The following NETO1 variants were observed in gnomAD, a reference collection of about 807,000 sequenced individuals.
NETO1 encodes neuropilin and tolloid-like protein 1.
In NETO1, 26 loss-of-function variants were observed where a neutral mutation model predicts 61.3. The ratio of observed to expected loss-of-function variants is 0.42; its 90% CI spans 0.31 to 0.59. The LOEUF (loss-of-function observed/expected upper bound fraction) is 0.59, where lower values mean the gene tolerates loss of function less well. NETO1 is among the 20% of genes least tolerant of loss of function. The pLI, the probability that NETO1 is intolerant of heterozygous loss-of-function variation, is 0.12. For synonymous variants in NETO1, 225 were observed against 225.8 expected (o/e 1.00, Z 0.03); for missense variants, 531 against 662.8 (o/e 0.80, Z 2.18).
chr18:72,858,573 A>G (rs1341175068), intron 4 of NETO1, among the ~76,000 whole-genome samples: 4 of 152,162 alleles, frequency 2.6e-5, no homozygotes, highest in African/African-American at 9.7e-5. Context: ...ACAAAAGTCC[A>G]CTTGATGATG....
At chr18:72,795,328 G>A (rs549096318) in intron 4 of NETO1, among the ~76,000 whole-genome samples, 86 of 152,202 alleles carry the variant, frequency 5.7e-4, no homozygotes, top group African/African-American at 2.0e-3. Context: ...TGCTTGTATC[G>A]GACGTCGTGG....
intron 3 of NETO1, among the ~76,000 whole-genome samples, chr18:72,861,946 G>T (rs532258378): frequency 6.6e-6 from 1 of 152,136 alleles, no homozygotes; most frequent in African/African-American, 2.4e-5. Flanking sequence ...TTTCTTTGCT[G>T]TAACAACTGG....
intron 4 of NETO1, among the ~76,000 whole-genome samples, chr18:72,840,389 T>G (rs2073892243): frequency 6.6e-6 from 1 of 152,196 alleles, no homozygotes; most frequent in African/African-American, 2.4e-5. Context: ...GCCCAGAAGC[T>G]ATCATCCACA....
intron 7 of NETO1, among the ~76,000 whole-genome samples, chr18:72,756,680 TA>T (rs1367968950): frequency 6.6e-6 from 1 of 152,062 alleles, no homozygotes; most frequent in Admixed American, 6.5e-5. Context: ...CTGAACAACA[TA>T]AAAAATATAT....
chr18:72,787,822 C>T (rs1242032564), intron 6 of NETO1, among the ~76,000 whole-genome samples: 10 of 152,204 alleles, frequency 6.6e-5, no homozygotes, highest in South Asian at 6.2e-4. Flanking sequence ...CTTTTAAATG[C>T]TCACAGAGTT....
chr18:72,752,474 C>T (rs570520918), intron 8 of NETO1, among the ~76,000 whole-genome samples: 53 of 152,268 alleles, frequency 3.5e-4, no homozygotes, highest in African/African-American at 1.3e-3. Context: ...GCATCAGAGG[C>T]TTCACTAAAA....
At chr18:72,749,579 T>A (rs1211045889) in intron 9 of NETO1, among the ~76,000 whole-genome samples, 1 of 152,236 alleles carries the variant, frequency 6.6e-6, no homozygotes, top group South Asian at 2.1e-4. Context: ...TTTGTGTTCC[T>A]ACCAAAAATA....
Position 72,746,763 on chromosome 18 carries a change from A to G in NETO1, c.*1416T>C, listed in dbSNP as rs1407653903. ...TTCAGTAGTTTTGAAAATGTTGGGA[A>G]GCATATATACTGATAGTAATTCTTA... On this transcript the variant is annotated 3_prime_UTR_variant, in exon 11 of 11. Coordinates refer to ENST00000327305, the MANE Select transcript of NETO1 (RefSeq NM_138966.5). Among the ~76,000 whole-genome samples the G allele has an allele frequency of 1.3e-5, 2 of 152,136 alleles. No individual in the cohort carries two copies. Among genetic ancestry groups the G allele is most frequent in the Non-Finnish European group, 1.5e-5 (1 of 67,940 alleles).
At chr18:72,793,986 AAAATG>A (rs2072226903) in intron 6 of NETO1, 126 bp downstream of exon 6, 3 of 1,235,598 alleles carry the variant, frequency 2.4e-6, no homozygotes, top group Middle Eastern at 4.6e-4. Flanking sequence ...CTCAAAAACC[AAAATG>A]AAATCATAGC....
rs953346765 is a variant in NETO1, at chr18:72,830,541, T to C, written c.469+28285A>G. ...GGTCTGAGGGTTGGCTTACAATTCCTCAATGAACAGATGTATTACAGAAGA... is the reference window on the plus strand; with the variant it reads ...GGTCTGAGGGTTGGCTTACAATTCCCCAATGAACAGATGTATTACAGAAGA... On this transcript the variant is annotated intron_variant, in intron 4 of 10. Coordinates refer to ENST00000327305, the MANE Select transcript of NETO1 (RefSeq NM_138966.5). This position sits in a 1 kb window ranked among gnomAD's most constrained non-coding sequence, Gnocchi z 4.9. Among the ~76,000 whole-genome samples, 2 of 152,112 alleles carry C rather than the reference T, an allele frequency of 1.3e-5. No individual in the cohort carries two copies. The highest frequency in any genetic ancestry group is 6.5e-5 in the Admixed American group (1 of 15,282).
chr18:72,798,285 G>A (rs892200499), intron 4 of NETO1, among the ~76,000 whole-genome samples: 4 of 152,186 alleles, frequency 2.6e-5, no homozygotes, highest in Non-Finnish European at 5.9e-5. Flanking sequence ...AACTGTGCAT[G>A]CGAGGGATCT....
intron 4 of NETO1, among the ~76,000 whole-genome samples, chr18:72,822,345 G>T (rs140781117): frequency 0.023 from 3,485 of 152,290 alleles, 105 homozygotes; most frequent in African/African-American, 0.065. Flanking sequence ...CCAAAGCCAG[G>T]AAGCTGCCTG....
chr18:72,786,201 T>G (rs1291270978), intron 6 of NETO1, among the ~76,000 whole-genome samples: 1 of 152,198 alleles, frequency 6.6e-6, no homozygotes, highest in Non-Finnish European at 1.5e-5. Context: ...CATAGAATAG[T>G]CTTATTTTAT....
intron 4 of NETO1, among the ~76,000 whole-genome samples, chr18:72,817,498 T>C (rs2073063938): frequency 6.6e-6 from 1 of 152,218 alleles, no homozygotes; most frequent in Admixed American, 6.5e-5. Flanking sequence ...CCACTAAATG[T>C]TAGAGATTTT....
chr18:72,812,218 G>T (rs1357631524), intron 4 of NETO1, among the ~76,000 whole-genome samples: 2 of 152,194 alleles, frequency 1.3e-5, no homozygotes. Context: ...TGACTCAAAG[G>T]CACTGTTTAG....
chr18:72,745,071 G>A lies in NETO1; in HGVS notation c.*3108C>T, dbSNP rs1416284454. On this transcript the variant is annotated 3_prime_UTR_variant, in exon 11 of 11. Transcript: ENST00000327305. ...ATACTTCTAGAGCAAAAGTAAATGT[G>A]AAACAGAAAAACCAGCAACACCACA... 1 of 152,142 alleles carries A rather than the reference G, an allele frequency of 6.6e-6. No homozygotes were observed. Among genetic ancestry groups the A allele is most frequent in the Non-Finnish European group, 1.5e-5 (1 of 68,020 alleles). The allele number at this position is 152,142 out of a possible 1,614,324, so 9.4% of individuals were successfully genotyped here. A position where few individuals can be genotyped will look rare whatever the true frequency, so the allele number is the denominator to read the frequency against.
rs905792114 is a variant in NETO1 at position 72,867,617 on chromosome 18, C to T, written c.-326G>A. On this transcript the variant is annotated 5_prime_UTR_variant, in exon 1 of 11. Coordinates refer to ENST00000327305, the MANE Select transcript of NETO1 (RefSeq NM_138966.5). ...CATCCGCGCCGCCGCCGTCAGGACC[C>T]TCCTCCCGGGCATCGTCGCCGCCGC... The T allele has an allele frequency of 1.5e-4, 31 of 212,320 alleles. No individual in the cohort carries two copies. The highest frequency in any genetic ancestry group is 2.8e-4 in the Non-Finnish European group (30 of 107,676). The allele number at this position is 212,320 out of a possible 1,614,324, so 13.2% of individuals were successfully genotyped here. A position where few individuals can be genotyped will look rare whatever the true frequency, so the allele number is the denominator to read the frequency against.
intron 4 of NETO1, among the ~76,000 whole-genome samples, chr18:72,818,634 C>A (rs889503508): frequency 2.6e-5 from 4 of 152,058 alleles, no homozygotes; most frequent in Admixed American, 1.3e-4. Flanking sequence ...AAGTCAAGCA[C>A]GAGACATTTT....
At chr18:72,836,668 C>A (rs1023610183) in intron 4 of NETO1, among the ~76,000 whole-genome samples, 3 of 152,116 alleles carry the variant, frequency 2.0e-5, no homozygotes, top group Non-Finnish European at 4.4e-5. Context: ...GAATGGAGGA[C>A]TTGTTTCAGA....
Sources: allele counts gnomAD v4.1 joint callset (sites outside exome capture counted in the v4.1 genomes callset), GRCh38; gene constraint gnomAD v4.1.1; non-coding constraint Gnocchi (gnomAD v3.1); transcripts MANE v1.5; gene names NCBI Gene and HGNC (gene_info 2026-07-23, HGNC 2026-07-21).